LMTK2: variants seen among roughly 807,000 people sequenced by gnomAD.
LMTK2 encodes serine/threonine-protein kinase LMTK2.
In LMTK2, 37 loss-of-function variants were observed where a neutral mutation model predicts 127.5. That is an observed-to-expected ratio of 0.29 (90% CI 0.22 to 0.38). The LOEUF (loss-of-function observed/expected upper bound fraction) is 0.38. LMTK2 is among the 10% of genes least tolerant of loss of function. LMTK2 has a pLI of 1.00. For synonymous variants in LMTK2, 819 were observed against 810.1 expected (o/e 1.01, Z -0.19); for missense variants, 1,694 against 1,920.3 (o/e 0.88, Z 2.20).
chr7:98,117,212 C>G (rs773920422), intron 1 of LMTK2, among the ~76,000 whole-genome samples: 24 of 152,198 alleles, frequency 1.6e-4, no homozygotes, highest in Non-Finnish European at 2.5e-4. Context: ...CTTTGGAGTT[C>G]TGTTGAAGAG....
chr7:98,107,860 A>G (rs1372767508), intron 1 of LMTK2, among the ~76,000 whole-genome samples: 1 of 152,184 alleles, frequency 6.6e-6, no homozygotes. Context: ...CAGGCGTTGA[A>G]TAACTATTGA....
At chr7:98,168,761 G>A (rs1341225854) in intron 6 of LMTK2, among the ~76,000 whole-genome samples, 1 of 152,274 alleles carries the variant, frequency 6.6e-6, no homozygotes, top group African/African-American at 2.4e-5. Context: ...CAGGTCACTT[G>A]CTCTGCTGAT....
chr7:98,126,921 T>A (rs1796453111), intron 1 of LMTK2, among the ~76,000 whole-genome samples: 1 of 152,146 alleles, frequency 6.6e-6, no homozygotes, highest in South Asian at 2.1e-4. Flanking sequence ...TGGCTTAGGG[T>A]CTTTGTGGTA....
At chr7:98,152,322 G>A (rs1796870884) in intron 4 of LMTK2, among the ~76,000 whole-genome samples, 1 of 152,178 alleles carries the variant, frequency 6.6e-6, no homozygotes, top group Non-Finnish European at 1.5e-5. Context: ...TAATGGAGTA[G>A]GGATTACATC....
At chr7:98,115,357 A>G (rs1328058117) in intron 1 of LMTK2, among the ~76,000 whole-genome samples, 1 of 151,960 alleles carries the variant, frequency 6.6e-6, no homozygotes, top group Non-Finnish European at 1.5e-5. Context: ...CAGAGGTTGC[A>G]GTGAGCCGAG....
intron 11 of LMTK2, 99 bp from the exon 12 acceptor site, chr7:98,203,475 A>T: frequency 7.0e-7 from 1 of 1,427,948 alleles, no homozygotes. Context: ...CTTACTTCTC[A>T]GTCGATGAGT....
At position 98,205,491 on chromosome 7, in the gene LMTK2, A is replaced by AC; in HGVS notation, c.4511_4512insC (p.Ter1504TyrfsTer36). The AC allele has an allele frequency of 6.2e-7, 1 of 1,613,214 alleles. No individual in the cohort carries two copies. The highest frequency in any genetic ancestry group is 1.1e-5 in the South Asian group (1 of 91,086). On this transcript the variant is annotated frameshift_variant and stop_lost, in exon 14 of 14. Transcript: ENST00000297293. LOFTEE classifies it high-confidence loss of function. Reference sequence around the variant, plus strand: ...AGCAGCGAAGACGGAGAAAAGGACTAGGTGGCTGCCAACGCGCACGCTCGG... The same window carrying AC: ...AGCAGCGAAGACGGAGAAAAGGACTACGGTGGCTGCCAACGCGCACGCTCGG...
At chr7:98,201,010 T>A (rs909666689) in intron 11 of LMTK2, among the ~76,000 whole-genome samples, 1 of 152,170 alleles carries the variant, frequency 6.6e-6, no homozygotes, top group African/African-American at 2.4e-5. Context: ...TAAAGAAATT[T>A]AACTAGCTTT....
At chr7:98,202,161 G>T (rs898442234) in intron 11 of LMTK2, among the ~76,000 whole-genome samples, 1 of 151,610 alleles carries the variant, frequency 6.6e-6, no homozygotes, top group Admixed American at 6.6e-5. Flanking sequence ...GATTTCTGTT[G>T]CTCTGTCTTC....
At chr7:98,183,918 A>G (rs74985490) in intron 7 of LMTK2, among the ~76,000 whole-genome samples, 7,318 of 152,226 alleles carry the variant, frequency 0.048, 612 homozygotes, top group East Asian at 0.36. Flanking sequence ...TGGTGAATCT[A>G]TCTGGGTCTG....
At chr7:98,156,647 A>G (rs1486392504) in intron 5 of LMTK2, among the ~76,000 whole-genome samples, 2 of 152,226 alleles carry the variant, frequency 1.3e-5, no homozygotes, top group Admixed American at 1.3e-4. Context: ...AGCATTAGTT[A>G]TATATTAGCA....
chr7:98,176,371 T>A (rs1198607403), intron 7 of LMTK2, among the ~76,000 whole-genome samples: 1 of 152,214 alleles, frequency 6.6e-6, no homozygotes, highest in Non-Finnish European at 1.5e-5. Context: ...AGCAATATCA[T>A]GCTATTGCTA....
chr7:98,128,058 C>T (rs905532958), intron 1 of LMTK2, among the ~76,000 whole-genome samples: 6 of 152,128 alleles, frequency 3.9e-5, no homozygotes, highest in African/African-American at 1.4e-4. Context: ...GCAGGAGAAT[C>T]GCTTGAACCC....
chr7:98,153,961 T>C (rs1272171685), intron 4 of LMTK2, among the ~76,000 whole-genome samples: 1 of 152,256 alleles, frequency 6.6e-6, no homozygotes, highest in Non-Finnish European at 1.5e-5. Context: ...AGTTCTGTTC[T>C]GGTTCTTACT....
At chr7:98,151,060 G>A (rs1174268030) in intron 3 of LMTK2, among the ~76,000 whole-genome samples, 2 of 152,164 alleles carry the variant, frequency 1.3e-5, no homozygotes, top group Non-Finnish European at 2.9e-5. Context: ...CTAATCATAT[G>A]TCTAGGTGAG....
Position 98,192,520 on chromosome 7 carries a change from T to C in LMTK2, c.2055T>C (p.Phe685=). The stretch of plus-strand genomic sequence containing the variant: ...AAGAGTCAGTCATAACAGGCCACTT[T>C]GAGAAAGAAAAGCCCCGTAAGATTT... ...NPKESVITGH[F]EKEKPRKIFD... Residue 685 remains phenylalanine, a synonymous_variant, in exon 11 of 14, where the codon TTT becomes TTC. Coordinates refer to ENST00000297293, the MANE Select transcript of LMTK2 (RefSeq NM_014916.4). 6.2e-7 allele frequency: 1 copy of C among 1,610,606 alleles called. No homozygotes were observed. Among genetic ancestry groups the C allele is most frequent in the Non-Finnish European group, 8.5e-7 (1 of 1,179,232 alleles).
chr7:98,172,909 C>T (rs928626752), intron 7 of LMTK2, among the ~76,000 whole-genome samples: 2 of 152,140 alleles, frequency 1.3e-5, no homozygotes, highest in African/African-American at 2.4e-5. Context: ...AGGCACTTGC[C>T]ACCAGGCCTG....
At chr7:98,190,394 C>T (rs1395797140) in intron 9 of LMTK2, among the ~76,000 whole-genome samples, 2 of 152,186 alleles carry the variant, frequency 1.3e-5, no homozygotes, top group Non-Finnish European at 2.9e-5. Flanking sequence ...GCAGCCTGGC[C>T]AACGTGGTGA....
At chr7:98,196,629 G>A (rs1442785170) in intron 11 of LMTK2, among the ~76,000 whole-genome samples, 1 of 152,240 alleles carries the variant, frequency 6.6e-6, no homozygotes, top group Non-Finnish European at 1.5e-5. Context: ...AGTGGAAGCA[G>A]CCTGTGGAGA....
Sources: gnomAD v4.1 joint callset for allele counts (sites outside exome capture counted in the v4.1 genomes callset) on GRCh38, gnomAD v4.1.1 for gene constraint, MANE v1.5 for transcripts, NCBI Gene and HGNC (gene_info 2026-07-23, HGNC 2026-07-21) for gene names.